The following HIVEP3 variants were observed in gnomAD, a reference collection of about 807,000 sequenced individuals.
The protein encoded by HIVEP3 is HIVEP zinc finger 3.
HIVEP3 carries 49 observed loss-of-function variants against 152.8 expected under a neutral mutation model. The observed-to-expected ratio is 0.32, with a 90% CI of 0.26 to 0.41. The LOEUF is 0.41. HIVEP3 is among the 10% of genes least tolerant of loss of function. HIVEP3 has a pLI of 1.00. For missense variants in HIVEP3, 2,790 were observed against 3,103.3 expected (o/e 0.90, Z 2.40); for synonymous variants, 1,269 against 1,289.0 (o/e 0.98, Z 0.33).
chr1:41,698,911 G>C (rs1305131097), intron 2 of HIVEP3, among the ~76,000 whole-genome samples: 1 of 152,200 alleles, frequency 6.6e-6, no homozygotes, highest in African/African-American at 2.4e-5. Context: ...GGGCAAACTT[G>C]CTCTTGTTTG....
chr1:41,891,249 A>C (rs114686268), intron 1 of HIVEP3, among the ~76,000 whole-genome samples: 1,573 of 152,340 alleles, frequency 0.01, 24 homozygotes, highest in African/African-American at 0.037. Context: ...CAGAAAAAAA[A>C]CAGGGAAACA....
At chr1:41,599,504 CA>C (rs1644715221) in intron 3 of HIVEP3, among the ~76,000 whole-genome samples, 1 of 152,058 alleles carries the variant, frequency 6.6e-6, no homozygotes, top group Admixed American at 6.6e-5. Flanking sequence ...AGGATATTTG[CA>C]ACACATGTTT....
At chr1:41,809,475 A>T (rs1385740340) in intron 1 of HIVEP3, among the ~76,000 whole-genome samples, 2 of 152,188 alleles carry the variant, frequency 1.3e-5, no homozygotes. Flanking sequence ...AATGCATTGA[A>T]CTGGCCCAGG....
At chr1:41,676,373 T>C (rs903433464) in intron 2 of HIVEP3, among the ~76,000 whole-genome samples, 1 of 152,124 alleles carries the variant, frequency 6.6e-6, no homozygotes, top group Non-Finnish European at 1.5e-5. Context: ...CAGCACTCCC[T>C]GAGGCCTGGG....
chr1:41,707,220 C>A (rs1169573207), intron 1 of HIVEP3, among the ~76,000 whole-genome samples: 1 of 152,190 alleles, frequency 6.6e-6, no homozygotes, highest in Non-Finnish European at 1.5e-5. Flanking sequence ...TTAGACCATC[C>A]CCAGGGCACC....
intron 3 of HIVEP3, among the ~76,000 whole-genome samples, chr1:41,606,641 T>C (rs1161458344): frequency 6.6e-6 from 1 of 151,912 alleles, no homozygotes; most frequent in Non-Finnish European, 1.5e-5. Context: ...CCTTTTTTGA[T>C]TGATGAAATA....
rs191311334 is a variant in HIVEP3 at position 41,805,917 on chromosome 1, C to G, written c.-800-104922G>C. Among the ~76,000 whole-genome samples, 39 of 152,278 alleles carry G rather than the reference C, an allele frequency of 2.6e-4. No individual in the cohort carries two copies. In the East Asian group the frequency reaches 6.9e-3, roughly 27 times the overall value. On this transcript the variant is annotated intron_variant, in intron 1 of 8. Transcript: ENST00000372583. ...TGTGTACACGTGCACGCACACACAT[C>G]TCCTCTGTAAAGCTCATGCACCCAG...
intron 5 of HIVEP3, among the ~76,000 whole-genome samples, chr1:41,536,150 T>C (rs181058876): frequency 2.0e-5 from 3 of 152,224 alleles, no homozygotes; most frequent in Admixed American, 2.0e-4. Context: ...TCCCGGACTC[T>C]GAATATAACA....
intron 1 of HIVEP3, among the ~76,000 whole-genome samples, chr1:41,822,839 C>A (rs545985670): frequency 1.3e-5 from 2 of 152,210 alleles, no homozygotes; most frequent in Admixed American, 6.5e-5. Context: ...CTGCAGAATG[C>A]GGCAGGGACC....
intron 1 of HIVEP3, among the ~76,000 whole-genome samples, chr1:41,952,621 C>T (rs1443274504): frequency 6.6e-6 from 1 of 152,198 alleles, no homozygotes; most frequent in African/African-American, 2.4e-5. Flanking sequence ...TCTCTCCTCC[C>T]TCTCCACTGC....
At chr1:42,033,915 C>T (rs1003417263) in intron 1 of HIVEP3, among the ~76,000 whole-genome samples, 2 of 152,208 alleles carry the variant, frequency 1.3e-5, no homozygotes, top group African/African-American at 4.8e-5. Flanking sequence ...AGTCAAGCAA[C>T]TGGGCCTCAA....
intron 5 of HIVEP3, among the ~76,000 whole-genome samples, chr1:41,571,068 C>G (rs1447674363): frequency 1.3e-5 from 2 of 151,960 alleles, no homozygotes; most frequent in Non-Finnish European, 2.9e-5. Flanking sequence ...GAGCCAATGC[C>G]CTCCCATAGG....
rs1239018000 is a variant in HIVEP3, at chr1:41,539,503, G to A, written c.5208-14593C>T. On this transcript the variant is annotated intron_variant, in intron 5 of 8. Transcript: ENST00000372583. ...AAGCCCTCAGGTGGGGCTGGACCTA[G>A]CCCAGGCCGATGCAGGACCATGGTC... Among the ~76,000 whole-genome samples the A allele has an allele frequency of 2.0e-5, 3 of 152,220 alleles. No homozygotes were observed. The East Asian group carries it at 5.8e-4, about 29-fold the overall frequency.
At chr1:41,547,530 G>A (rs1643832612) in intron 5 of HIVEP3, among the ~76,000 whole-genome samples, 2 of 152,164 alleles carry the variant, frequency 1.3e-5, no homozygotes, top group Admixed American at 1.3e-4. Flanking sequence ...ATCCACCGAG[G>A]GAATGGCTTG....
chr1:41,888,202 ATTTTT>A (rs61561436), intron 1 of HIVEP3, among the ~76,000 whole-genome samples: 34 of 99,200 alleles, frequency 3.4e-4, no homozygotes, highest in African/African-American at 8.3e-4. Flanking sequence ...CGCCCGGCTA[ATTTTT>A]TTTTTTTTTT....
intron 1 of HIVEP3, among the ~76,000 whole-genome samples, chr1:41,888,284 C>T (rs1006264749): frequency 6.2e-5 from 9 of 144,776 alleles, no homozygotes; most frequent in Non-Finnish European, 3.0e-5. Context: ...AATCTCCTGA[C>T]TTCGTAATCT....
At chr1:41,632,162 T>A (rs1645204557) in intron 2 of HIVEP3, among the ~76,000 whole-genome samples, 1 of 152,018 alleles carries the variant, frequency 6.6e-6, no homozygotes, top group African/African-American at 2.4e-5. Context: ...TCAGGCAGGG[T>A]CATTCTGACT....
chr1:41,553,507 T>A (rs1643919699), intron 5 of HIVEP3, among the ~76,000 whole-genome samples: 2 of 152,232 alleles, frequency 1.3e-5, no homozygotes, highest in South Asian at 4.1e-4. Flanking sequence ...ACATTTAAGG[T>A]TAATATTGTT....
intron 1 of HIVEP3, among the ~76,000 whole-genome samples, chr1:41,946,040 G>A (rs544351180): frequency 6.6e-6 from 1 of 152,250 alleles, no homozygotes; most frequent in South Asian, 2.1e-4. Flanking sequence ...TTAAAAAAAG[G>A]CCACCGCTTT....
Sources: allele counts gnomAD v4.1 joint callset (sites outside exome capture counted in the v4.1 genomes callset), GRCh38; gene constraint gnomAD v4.1.1; transcripts MANE v1.5; gene names NCBI Gene and HGNC (gene_info 2026-07-23, HGNC 2026-07-21).